The following CNTN4 variants were observed in gnomAD, a reference collection of about 807,000 sequenced individuals.
CNTN4 encodes the protein contactin-4.
Under a neutral mutation model 122.5 loss-of-function variants are expected in CNTN4, and 77 were observed. The ratio of observed to expected loss-of-function variants is 0.63; its 90% CI spans 0.52 to 0.76. The LOEUF (loss-of-function observed/expected upper bound fraction) is 0.76, where lower values mean the gene tolerates loss of function less well. Ranked by LOEUF, CNTN4 falls within the 30% of genes least tolerant of loss-of-function variation. The pLI is 0.00. For synonymous variants in CNTN4, 512 were observed against 447.0 expected (o/e 1.15, Z -1.83); for missense variants, 1,256 against 1,259.1 (o/e 1.00, Z 0.04).
intron 3 of CNTN4, among the ~76,000 whole-genome samples, chr3:2,535,211 T>A (rs537989506): frequency 6.6e-6 from 1 of 152,300 alleles, no homozygotes; most frequent in Admixed American, 6.5e-5. Flanking sequence ...GCAAGTTTAT[T>A]GGTAGTCTTT....
intron 3 of CNTN4, among the ~76,000 whole-genome samples, chr3:2,400,961 G>A (rs2046836230): frequency 6.7e-6 from 1 of 149,220 alleles, no homozygotes; most frequent in South Asian, 2.1e-4. Context: ...TTATAGGATA[G>A]GTGTGTATTG....
chr3:2,932,639 G>A (rs2094531491), intron 13 of CNTN4, among the ~76,000 whole-genome samples: 1 of 152,062 alleles, frequency 6.6e-6, no homozygotes, highest in Non-Finnish European at 1.5e-5. Flanking sequence ...TATTTCGCCA[G>A]GGTTGAGGAC....
intron 2 of CNTN4, among the ~76,000 whole-genome samples, chr3:2,147,396 A>G (rs956265324): frequency 1.3e-5 from 2 of 152,218 alleles, no homozygotes; most frequent in East Asian, 1.9e-4. Context: ...AAAAATTTGC[A>G]GTAATTTTAA....
chr3:2,999,257 T>C (rs770324066), intron 14 of CNTN4: 1 of 152,230 alleles, frequency 6.6e-6, no homozygotes, highest in Non-Finnish European at 1.5e-5. Flanking sequence ...TATGAATATG[T>C]TTCTATCTCC....
chr3:2,315,523 TA>T (rs2043067422), intron 2 of CNTN4, among the ~76,000 whole-genome samples: 1 of 152,076 alleles, frequency 6.6e-6, no homozygotes, highest in African/African-American at 2.4e-5. Context: ...TCTATTTTTC[TA>T]TTTATGCTTT....
intron 2 of CNTN4, among the ~76,000 whole-genome samples, chr3:2,287,774 A>G (rs1368955170): frequency 1.4e-5 from 2 of 148,020 alleles, no homozygotes; most frequent in Non-Finnish European, 3.0e-5. Context: ...AAGAAGAAGA[A>G]GAAGGAGAAG....
At chr3:2,933,348 A>T (rs1186518983) in intron 13 of CNTN4, among the ~76,000 whole-genome samples, 1 of 152,078 alleles carries the variant, frequency 6.6e-6, no homozygotes, top group Non-Finnish European at 1.5e-5. Context: ...TATACAGGGG[A>T]TATGTATCCT....
rs1027289507 is a variant in CNTN4 at position 2,525,785 on chromosome 3, C to T, written c.-88-45631C>T. 5.9e-5 allele frequency among the ~76,000 whole-genome samples: 9 copies of T among 152,078 alleles called. No homozygotes were observed. In the East Asian group the frequency reaches 1.3e-3, roughly 23 times the overall value. On this transcript the variant is annotated intron_variant, in intron 3 of 24. Transcript: ENST00000418658. Reference sequence around the variant, plus strand: ...TGTAGAGGTGAATATTGCAGATAAACTGAGTACTGAAGGAAATGGTTGATT... The same window carrying T: ...TGTAGAGGTGAATATTGCAGATAAATTGAGTACTGAAGGAAATGGTTGATT...
At chr3:2,730,838 G>A (rs534944530) in intron 4 of CNTN4, among the ~76,000 whole-genome samples, 1 of 152,052 alleles carries the variant, frequency 6.6e-6, no homozygotes, top group East Asian at 1.9e-4. Flanking sequence ...GCCCAGCCTC[G>A]CTTCCAGCAG....
chr3:2,933,677 A>G (rs796108190), intron 13 of CNTN4, among the ~76,000 whole-genome samples: 6 of 152,240 alleles, frequency 3.9e-5, no homozygotes, highest in Middle Eastern at 3.4e-3. Flanking sequence ...GGCCTTTTCT[A>G]TTGGGCTTTC....
chr3:3,036,236 A>G (rs1021697592), intron 17 of CNTN4, among the ~76,000 whole-genome samples: 8 of 152,234 alleles, frequency 5.3e-5, no homozygotes, highest in Non-Finnish European at 8.8e-5. Context: ...AGCAATTCAT[A>G]TAAATCTTGT....
intron 2 of CNTN4, among the ~76,000 whole-genome samples, chr3:2,100,979 G>A (rs78098200): frequency 0.084 from 12,774 of 152,198 alleles, 834 homozygotes; most frequent in Admixed American, 0.2. Context: ...CCACATGTAA[G>A]TTTCAACAGA....
chr3:2,629,714 C>T (rs773272996), intron 4 of CNTN4: 4 of 321,680 alleles, frequency 1.2e-5, no homozygotes, highest in East Asian at 8.4e-5. Flanking sequence ...TAATCAAAAT[C>T]GGTTGACTGT....
intron 2 of CNTN4, among the ~76,000 whole-genome samples, chr3:2,222,179 G>T (rs1173724728): frequency 3.3e-5 from 5 of 152,126 alleles, no homozygotes; most frequent in African/African-American, 1.2e-4. Flanking sequence ...GTTAGTACAC[G>T]AAATGTGTTT....
At chr3:2,674,438 G>A (rs1207243981) in intron 4 of CNTN4, among the ~76,000 whole-genome samples, 1 of 152,132 alleles carries the variant, frequency 6.6e-6, no homozygotes, top group Non-Finnish European at 1.5e-5. Flanking sequence ...GTTCTCTCTT[G>A]TAGCTATTTG....
chr3:2,123,349 G>A (rs922436159), intron 2 of CNTN4, among the ~76,000 whole-genome samples: 1 of 152,204 alleles, frequency 6.6e-6, no homozygotes, highest in Non-Finnish European at 1.5e-5. Flanking sequence ...TTCCAGAGGA[G>A]TTTTTCCTTT....
At chr3:2,888,222 G>T (rs993631096) in intron 10 of CNTN4, among the ~76,000 whole-genome samples, 1 of 152,102 alleles carries the variant, frequency 6.6e-6, no homozygotes, top group Admixed American at 6.5e-5. Flanking sequence ...CTTGGCTAAG[G>T]GGGGGCCCAG....
chr3:2,991,402 G>A (rs1471174978), intron 14 of CNTN4, among the ~76,000 whole-genome samples: 1 of 152,148 alleles, frequency 6.6e-6, no homozygotes, highest in Non-Finnish European at 1.5e-5. Flanking sequence ...GTTCTGAGCT[G>A]CAGTTAGTTT....
At chr3:2,805,355 T>G (rs1310680327) in intron 6 of CNTN4, among the ~76,000 whole-genome samples, 1 of 152,084 alleles carries the variant, frequency 6.6e-6, no homozygotes, top group Admixed American at 6.6e-5. Flanking sequence ...AAAACTGCAC[T>G]AGGAAAGTTG....
Sources: gnomAD v4.1 joint callset for allele counts (sites outside exome capture counted in the v4.1 genomes callset) on GRCh38, gnomAD v4.1.1 for gene constraint, MANE v1.5 for transcripts, NCBI Gene and HGNC (gene_info 2026-07-23, HGNC 2026-07-21) for gene names.